The following GUCY2C variants were observed in gnomAD, a reference collection of about 807,000 sequenced individuals.
GUCY2C encodes guanylyl cyclase C.
In GUCY2C, 118 loss-of-function variants were observed where a neutral mutation model predicts 131.1. That is an observed-to-expected ratio of 0.90 (90% CI 0.78 to 1.05). The LOEUF is 1.05. GUCY2C is among the 50% of genes least tolerant of loss of function. The pLI is 0.00. For synonymous variants in GUCY2C, 452 were observed against 457.8 expected (o/e 0.99, Z 0.16); for missense variants, 1,161 against 1,304.4 (o/e 0.89, Z 1.69).
intron 19 of GUCY2C, among the ~76,000 whole-genome samples, chr12:14,635,590 G>T (rs1947251529): frequency 6.6e-6 from 1 of 151,908 alleles, no homozygotes; most frequent in South Asian, 2.1e-4. Flanking sequence ...TAGAGGGAAA[G>T]AAATAATAAA....
chr12:14,619,384 CTGTA>C, intron 23 of GUCY2C, 75 bp from the exon 24 acceptor site: 1 of 880,146 alleles, frequency 1.1e-6, no homozygotes, highest in South Asian at 1.4e-5. Context: ...GTAAGCCTCT[CTGTA>C]TGGTCACAAT....
chr12:14,660,561 T>A (rs1947848058), intron 11 of GUCY2C, among the ~76,000 whole-genome samples: 1 of 152,226 alleles, frequency 6.6e-6, no homozygotes, highest in Non-Finnish European at 1.5e-5. Flanking sequence ...TGTAATTTAA[T>A]GAGTTTGATG....
intron 1 of GUCY2C, 109 bp from the exon 2 acceptor site, chr12:14,688,172 G>A: frequency 2.8e-6 from 2 of 705,178 alleles, no homozygotes; most frequent in Non-Finnish European, 5.1e-6. Context: ...TTCAGGCCTA[G>A]GAATATTTAC....
intron 15 of GUCY2C, among the ~76,000 whole-genome samples, chr12:14,649,499 G>T (rs1056709862): frequency 2.0e-5 from 3 of 152,112 alleles, no homozygotes; most frequent in African/African-American, 4.8e-5. Flanking sequence ...ATCTATAGTT[G>T]TGAATATAGA....
At chr12:14,692,085 T>G (rs527886140) in intron 1 of GUCY2C, among the ~76,000 whole-genome samples, 18 of 152,320 alleles carry the variant, frequency 1.2e-4, no homozygotes, top group African/African-American at 3.6e-4. Context: ...GAACAGCAGT[T>G]CTCAAAGTAT....
chr12:14,643,646 A>C lies in GUCY2C; in HGVS notation c.1858T>G (p.Cys620Gly). 6.2e-7 allele frequency: 1 copy of C among 1,613,166 alleles called. No homozygotes were observed. Among genetic ancestry groups the C allele is most frequent in the Non-Finnish European group, 8.5e-7 (1 of 1,179,116 alleles). ...ACCACCATTCTACTGTCCACTACGC[A>C]GTTGGTAGATTTCAGACGACCATGG... ...EVHGRLKSTN[C>G]VVDSRMVVKI... The change falls in exon 17 of 27, where the codon TGC becomes GGC. Residue 620 changes from cysteine (C) to glycine (G), a missense_variant. Transcript: ENST00000261170.
intron 25 of GUCY2C, 152 bp downstream of exon 25, chr12:14,616,481 G>A: frequency 1.6e-6 from 1 of 642,376 alleles, no homozygotes; most frequent in African/African-American, 1.8e-5. Flanking sequence ...ACATTTTTTG[G>A]TGGTCATTTC....
At chr12:14,660,433 A>AC (rs976347218) in intron 11 of GUCY2C, among the ~76,000 whole-genome samples, 1 of 152,146 alleles carries the variant, frequency 6.6e-6, no homozygotes, top group African/African-American at 2.4e-5. Flanking sequence ...TTCTGGCCCC[A>AC]CCCACTACCT....
rs373306181 is a variant in GUCY2C, at chr12:14,613,377, G to A, written c.3048-86C>T. On this transcript the variant is annotated intron_variant, in intron 26 of 26. Transcript: ENST00000261170. This position sits in a 1 kb window ranked among gnomAD's most constrained non-coding sequence, Gnocchi z 4.9. ...AGCTCCAGAATAATCAGTTCAGTTA[G>A]TCAGTTACTCTTTGAATGCCTATTC... The A allele has an allele frequency of 2.3e-5, 23 of 1,003,290 alleles. No individual in the cohort carries two copies. The East Asian group carries it at 5.2e-4, about 23-fold the overall frequency. 62.1% of individuals were successfully genotyped at this position (1,003,290 alleles called of 1,614,324 possible).
At chr12:14,629,146 A>G (rs1947090491) in intron 19 of GUCY2C, among the ~76,000 whole-genome samples, 1 of 152,220 alleles carries the variant, frequency 6.6e-6, no homozygotes, top group Admixed American at 6.5e-5. Context: ...AAAGGCTGGA[A>G]TGTAACAAAA....
chr12:14,631,828 C>A (rs1020181845), intron 19 of GUCY2C, among the ~76,000 whole-genome samples: 1 of 150,684 alleles, frequency 6.6e-6, no homozygotes, highest in Non-Finnish European at 1.5e-5. Context: ...AATGGTTGAA[C>A]TAGTTTACAG....
chr12:14,614,838 C>T (rs757281171), intron 26 of GUCY2C, 29 bp downstream of exon 26: 18 of 1,426,058 alleles, frequency 1.3e-5, no homozygotes, highest in Non-Finnish European at 1.7e-5. Flanking sequence ...CTAATTTCCT[C>T]CCTGTCCCTG....
At chr12:14,633,150 G>C (rs2137003967) in intron 19 of GUCY2C, among the ~76,000 whole-genome samples, 1 of 152,234 alleles carries the variant, frequency 6.6e-6, no homozygotes, top group East Asian at 1.9e-4. Flanking sequence ...GCTGGTACCA[G>C]ATAAGCTGTC....
chr12:14,645,213 T>A lies in GUCY2C; in HGVS notation c.1797+16A>T. 7.8e-7 allele frequency: 1 copy of A among 1,283,248 alleles called. No individual in the cohort carries two copies. The highest frequency in any genetic ancestry group is 1.1e-6 in the Non-Finnish European group (1 of 891,324). 79.5% of individuals were successfully genotyped at this position (1,283,248 alleles called of 1,614,324 possible). A position where few individuals can be genotyped will look rare whatever the true frequency, so the allele number is the denominator to read the frequency against. On this transcript the variant is annotated intron_variant, in intron 16 of 26. Coordinates refer to ENST00000261170, the MANE Select transcript of GUCY2C (RefSeq NM_004963.4). ...ATATTTAATTTTCATATTTTCTGTG[T>A]GTGTGTTTCTCTTACCTTAGCAATG...
At chr12:14,684,885 T>A (rs1948442005) in intron 3 of GUCY2C, among the ~76,000 whole-genome samples, 1 of 151,910 alleles carries the variant, frequency 6.6e-6, no homozygotes, top group African/African-American at 2.4e-5. Context: ...CTATGTTGCC[T>A]AGGCTAGTCT....
chr12:14,641,534 A>G (rs574531991), intron 17 of GUCY2C, among the ~76,000 whole-genome samples: 10 of 152,304 alleles, frequency 6.6e-5, no homozygotes, highest in African/African-American at 2.4e-4. Flanking sequence ...ATGGGGTCTG[A>G]TTGTGGTAAA....
intron 6 of GUCY2C, 104 bp downstream of exon 6, chr12:14,679,553 A>G (rs746703179): frequency 3.7e-5 from 25 of 682,306 alleles, no homozygotes; most frequent in Non-Finnish European, 6.1e-5. Context: ...ACTTAACCCC[A>G]TAAGGGGTTG....
intron 19 of GUCY2C, among the ~76,000 whole-genome samples, chr12:14,638,221 T>C (rs1947314068): frequency 6.6e-6 from 1 of 152,212 alleles, no homozygotes; most frequent in African/African-American, 2.4e-5. Context: ...TAATAACAGA[T>C]GCTGGCAAGG....
At chr12:14,639,368 G>A (rs1592099088) in intron 19 of GUCY2C, among the ~76,000 whole-genome samples, 1 of 152,130 alleles carries the variant, frequency 6.6e-6, no homozygotes, top group East Asian at 1.9e-4. Flanking sequence ...TCCTGAGTTG[G>A]GGAGTGGTGG....
Sources: allele counts gnomAD v4.1 joint callset (sites outside exome capture counted in the v4.1 genomes callset), GRCh38; gene constraint gnomAD v4.1.1; non-coding constraint Gnocchi (gnomAD v3.1); transcripts MANE v1.5; gene names NCBI Gene and HGNC (gene_info 2026-07-23, HGNC 2026-07-21).